PACRGL: variants seen among roughly 807,000 people sequenced by gnomAD.
The protein encoded by PACRGL is PACRG-like protein.
A neutral mutation model predicts 34.5 loss-of-function variants in PACRGL; 38 were observed. The observed-to-expected ratio is 1.10, with a 90% CI of 0.85 to 1.44. The LOEUF is 1.44. PACRGL is among the 40% of genes most tolerant of loss of function. PACRGL has a pLI of 0.00. For missense variants in PACRGL, 305 were observed against 281.4 expected (o/e 1.08, Z -0.60); for synonymous variants, 128 against 100.1 (o/e 1.28, Z -1.66).
intron 1 of PACRGL, among the ~76,000 whole-genome samples, chr4:20,703,246 A>G (rs1190062234): frequency 6.6e-6 from 1 of 152,174 alleles, no homozygotes. Context: ...AAGATCTTAC[A>G]CTATACTTGA....
downstream of PACRGL, among the ~76,000 whole-genome samples, chr4:20,755,082 A>G (rs921973104): frequency 1.3e-5 from 2 of 152,144 alleles, no homozygotes; most frequent in African/African-American, 4.8e-5. Flanking sequence ...ATCAGGTACT[A>G]TTACCAATAC....
rs1184050869 is a variant in PACRGL at position 20,751,507 on chromosome 4, C to T, written c.*57-1058C>T. ...GTGCCCTCTGGAGATGTGAATTGAT[C>T]GATGGTGTGTTGAACTGATTTTCAG... On this transcript the variant is annotated intron_variant, in intron 8 of 8. Transcript: ENST00000507634. Among the ~76,000 whole-genome samples, 3 of 151,332 alleles carry T rather than the reference C, an allele frequency of 2.0e-5. No individual in the cohort carries two copies. The East Asian group carries it at 5.8e-4, about 29-fold the overall frequency.
chr4:20,765,399 A>G, the PACRGL span, among the ~76,000 whole-genome samples: 2 of 152,194 alleles, frequency 1.3e-5, no homozygotes, highest in Non-Finnish European at 2.9e-5. Context: ...GGAGAGAGGC[A>G]TGTGCAAAGG....
upstream of PACRGL, among the ~76,000 whole-genome samples, chr4:20,699,709 G>A (rs1406281490): frequency 6.6e-6 from 1 of 152,150 alleles, no homozygotes; most frequent in Non-Finnish European, 1.5e-5. Context: ...GAGTGCAGTG[G>A]ACAGGTCCAA....
chr4:20,725,366 C>CACAT (rs1745209179), intron 8 of PACRGL, among the ~76,000 whole-genome samples: 1 of 152,082 alleles, frequency 6.6e-6, no homozygotes, highest in Non-Finnish European at 1.5e-5. Context: ...CACACACACA[C>CACAT]ACACACACAC....
chr4:20,747,199 T>C (rs1752572550), intron 8 of PACRGL, among the ~76,000 whole-genome samples: 2 of 152,160 alleles, frequency 1.3e-5, no homozygotes, highest in East Asian at 1.9e-4. Flanking sequence ...ATTAACACCA[T>C]ACTAAATTTA....
the PACRGL span, among the ~76,000 whole-genome samples, chr4:20,760,280 G>A: frequency 1.3e-5 from 2 of 152,088 alleles, no homozygotes; most frequent in South Asian, 2.1e-4. Context: ...ACTGGGGAAG[G>A]ATGAATGGTG....
chr4:20,704,598 T>TGG, intron 2 of PACRGL, 62 bp from the exon 3 acceptor site: 1 of 1,613,330 alleles, frequency 6.2e-7, no homozygotes, highest in Non-Finnish European at 8.5e-7. Context: ...GTGCTACAGA[T>TGG]GGATGCAGGG....
chr4:20,739,356 C>T (rs1385550625), intron 8 of PACRGL, among the ~76,000 whole-genome samples: 1 of 152,166 alleles, frequency 6.6e-6, no homozygotes, highest in African/African-American at 2.4e-5. Flanking sequence ...ACACCTCATA[C>T]AGCCAGGTGC....
At chr4:20,708,579 T>A (rs1483339243) in intron 4 of PACRGL, among the ~76,000 whole-genome samples, 2 of 152,186 alleles carry the variant, frequency 1.3e-5, no homozygotes, top group Non-Finnish European at 2.9e-5. Flanking sequence ...ATTGAAACCC[T>A]ATTTAAAGTT....
Position 20,727,569 on chromosome 4 carries a change from T to G in PACRGL, c.*228T>G, listed in dbSNP as rs548079103. 7.5e-6 allele frequency: 3 copies of G among 399,942 alleles called. No homozygotes were observed. The highest frequency in any genetic ancestry group is 6.0e-5 in the African/African-American group (3 of 49,956). The allele number at this position is 399,942 out of a possible 1,614,324, so 24.8% of individuals were successfully genotyped here. ...GAGTACAATTTTGAGGTTTATTTTTTGTATTTTTATTATTTGTGCGAAGAA... is the reference window on the plus strand; with the variant it reads ...GAGTACAATTTTGAGGTTTATTTTTGGTATTTTTATTATTTGTGCGAAGAA... On this transcript the variant is annotated 3_prime_UTR_variant, in exon 9 of 9. Transcript: ENST00000503585.
chr4:20,748,235 A>G (rs1211554365), intron 8 of PACRGL, among the ~76,000 whole-genome samples: 5 of 151,986 alleles, frequency 3.3e-5, no homozygotes, highest in African/African-American at 1.2e-4. Flanking sequence ...TGGCTCTCCA[A>G]TTGTGTATTC....
chr4:20,719,437 A>T (rs557744451), intron 7 of PACRGL, among the ~76,000 whole-genome samples: 1 of 152,182 alleles, frequency 6.6e-6, no homozygotes, highest in Non-Finnish European at 1.5e-5. Flanking sequence ...TCAGTTTTAG[A>T]TCTTTCCTGC....
chr4:20,731,217 G>A lies in PACRGL; in HGVS notation c.*3876G>A, dbSNP rs117210520. 2.2e-3 allele frequency: 392 copies of A among 177,292 alleles called. 9 individuals carry two copies. In the South Asian group the frequency reaches 0.045, roughly 20 times the overall value. 11.0% of individuals were successfully genotyped at this position (177,292 alleles called of 1,614,324 possible). Reference sequence around the variant, plus strand: ...CCCAAGTAGCTGAGACTTCAGCCACGTGCCACCGTGCCCAGCTAACTTAAT... The same window carrying A: ...CCCAAGTAGCTGAGACTTCAGCCACATGCCACCGTGCCCAGCTAACTTAAT... On this transcript the variant is annotated 3_prime_UTR_variant, in exon 9 of 9. Transcript: ENST00000503585.
intron 7 of PACRGL, among the ~76,000 whole-genome samples, chr4:20,719,429 A>T (rs1741895533): frequency 6.6e-6 from 1 of 152,144 alleles, no homozygotes; most frequent in South Asian, 2.1e-4. Flanking sequence ...TTAGGGTATC[A>T]GTTTTAGATC....
chr4:20,701,756 A>C (rs975380525), intron 1 of PACRGL: 2 of 429,504 alleles, frequency 4.7e-6, no homozygotes, highest in East Asian at 1.4e-4. Flanking sequence ...CCCTCCCCCC[A>C]GTCTCTTTCA....
At chr4:20,725,139 G>T (rs1745089863) in intron 8 of PACRGL, among the ~76,000 whole-genome samples, 1 of 152,140 alleles carries the variant, frequency 6.6e-6, no homozygotes, top group African/African-American at 2.4e-5. Context: ...AGTGCTTAAT[G>T]TGGCACTCAG....
chr4:20,706,577 G>T (rs112719401), intron 3 of PACRGL, among the ~76,000 whole-genome samples: 4 of 151,922 alleles, frequency 2.6e-5, no homozygotes, highest in African/African-American at 9.6e-5. Context: ...TTTTGGAAAT[G>T]AATCTTTTTT....
chr4:20,764,272 T>C, the PACRGL span, among the ~76,000 whole-genome samples: 1 of 152,068 alleles, frequency 6.6e-6, no homozygotes, highest in Non-Finnish European at 1.5e-5. Context: ...ATATATACCG[T>C]AGAAATAAAG....
Sources: allele counts gnomAD v4.1 joint callset (sites outside exome capture counted in the v4.1 genomes callset), GRCh38; gene constraint gnomAD v4.1.1; transcripts MANE v1.5; gene names NCBI Gene and HGNC (gene_info 2026-07-23, HGNC 2026-07-21).